ADAMTS16: variants seen among roughly 807,000 people sequenced by gnomAD.
ADAMTS16 encodes A disintegrin and metalloproteinase with thrombospondin motifs 16.
Under a neutral mutation model 145.8 loss-of-function variants are expected in ADAMTS16, and 94 were observed. That is an observed-to-expected ratio of 0.64 (90% CI 0.55 to 0.77). The LOEUF is 0.77. ADAMTS16 is among the 30% of genes least tolerant of loss of function. The pLI, the probability that ADAMTS16 is intolerant of heterozygous loss-of-function variation, is 0.00. For missense variants in ADAMTS16, 1,585 were observed against 1,591.5 expected, an observed-to-expected ratio of 1.00 and a Z score of 0.07; for synonymous variants, 659 against 604.3, an observed-to-expected ratio of 1.09 and a Z score of -1.33.
chr5:5,187,923 G>A (rs1191370901), intron 6 of ADAMTS16, 115 bp downstream of exon 6: 9 of 638,324 alleles, frequency 1.4e-5, no homozygotes, highest in African/African-American at 3.8e-5. Flanking sequence ...AGGGCAAAAT[G>A]TATTTAATAT....
intron 3 of ADAMTS16, among the ~76,000 whole-genome samples, chr5:5,169,450 A>G (rs763659040): frequency 3.3e-5 from 5 of 152,220 alleles, no homozygotes; most frequent in Middle Eastern, 3.4e-3. Flanking sequence ...TGTTAGTTGT[A>G]CTATCTGGGA....
chr5:5,213,616 C>A (rs1441504149), intron 10 of ADAMTS16, among the ~76,000 whole-genome samples: 1 of 152,076 alleles, frequency 6.6e-6, no homozygotes, highest in Non-Finnish European at 1.5e-5. Context: ...TTCATTAGGG[C>A]TCATCGCTTT....
intron 2 of ADAMTS16, among the ~76,000 whole-genome samples, chr5:5,142,604 T>C (rs1339441090): frequency 1.3e-5 from 2 of 152,214 alleles, no homozygotes; most frequent in Non-Finnish European, 2.9e-5. Flanking sequence ...TGGTGACTGC[T>C]GGGGTCAACT....
chr5:5,296,195 GCACT>G (rs2126498449), intron 18 of ADAMTS16, among the ~76,000 whole-genome samples: 1 of 152,300 alleles, frequency 6.6e-6, no homozygotes, highest in African/African-American at 2.4e-5. Context: ...CCATGACTTT[GCACT>G]CACAGAGGCT....
intron 3 of ADAMTS16, among the ~76,000 whole-genome samples, chr5:5,176,380 A>G (rs1043490649): frequency 2.5e-4 from 38 of 152,238 alleles, no homozygotes; most frequent in Non-Finnish European, 4.7e-4. Flanking sequence ...GGATGGAGGA[A>G]GTCACAAATA....
rs796471798 is a variant in ADAMTS16 at position 5,162,773 on chromosome 5, AGGAGAG to A, written c.501+16320_501+16325del. Among the ~76,000 whole-genome samples the A allele has an allele frequency of 5.9e-5, 9 of 151,974 alleles. 1 individual carries two copies. Among genetic ancestry groups the A allele is most frequent in the African/African-American group, 2.2e-4 (9 of 41,438 alleles). On this transcript the variant is annotated intron_variant, in intron 3 of 22. Transcript: ENST00000274181. ...AAGAGAAGAGAAGAGAGGAGAGGAGAGGAGAGGAGAGGAGAGGAAGAGAGAATATGG... is the reference window on the plus strand; with the variant it reads ...AAGAGAAGAGAAGAGAGGAGAGGAGAGAGAGGAGAGGAAGAGAGAATATGG...
intron 5 of ADAMTS16, 53 bp downstream of exon 5, chr5:5,186,304 GTGT>G (rs1560939670): frequency 0.011 from 12,059 of 1,060,990 alleles, 344 homozygotes; most frequent in Middle Eastern, 0.028. Flanking sequence ...TTCGTAGGGT[GTGT>G]GTGTGTGTGT....
At position 5,288,446 on chromosome 5, in the gene ADAMTS16, A is replaced by C. The variant is rs190556695; in HGVS notation, c.2790-14822A>C. On this transcript the variant is annotated intron_variant, in intron 18 of 22. Coordinates refer to ENST00000274181, the MANE Select transcript of ADAMTS16 (RefSeq NM_139056.4). ...GATGTTATAGATAATCTGTATGTGCATAATGACTAAGGGAAACCTGTTTGG... is the reference window on the plus strand; with the variant it reads ...GATGTTATAGATAATCTGTATGTGCCTAATGACTAAGGGAAACCTGTTTGG... Among the ~76,000 whole-genome samples the C allele has an allele frequency of 2.4e-3, 363 of 152,360 alleles. 4 individuals are homozygous for C. The highest frequency in any genetic ancestry group is 8.3e-3 in the African/African-American group (347 of 41,598).
At chr5:5,265,082 T>G (rs1027886237) in intron 18 of ADAMTS16, among the ~76,000 whole-genome samples, 1 of 152,174 alleles carries the variant, frequency 6.6e-6, no homozygotes, top group Admixed American at 6.5e-5. Flanking sequence ...CACACCCTCA[T>G]CGTTTAGGAA....
intron 21 of ADAMTS16, among the ~76,000 whole-genome samples, chr5:5,313,125 G>A (rs1438192615): frequency 6.6e-6 from 1 of 152,222 alleles, no homozygotes; most frequent in Non-Finnish European, 1.5e-5. Context: ...TTTACCACAA[G>A]CTGGCTGAAG....
At chr5:5,292,094 AC>A (rs1400750361) in intron 18 of ADAMTS16, among the ~76,000 whole-genome samples, 1 of 152,204 alleles carries the variant, frequency 6.6e-6, no homozygotes, top group African/African-American at 2.4e-5. Context: ...TAGTCAAGCC[AC>A]CAGCCTCTCA....
intron 3 of ADAMTS16, among the ~76,000 whole-genome samples, chr5:5,178,182 G>A (rs1448337939): frequency 3.3e-5 from 5 of 152,124 alleles, no homozygotes; most frequent in South Asian, 2.1e-4. Flanking sequence ...ACACATATTC[G>A]TTCGTTTCTT....
intron 3 of ADAMTS16, among the ~76,000 whole-genome samples, chr5:5,181,835 G>A (rs181962002): frequency 2.0e-5 from 3 of 152,268 alleles, no homozygotes; most frequent in African/African-American, 7.2e-5. Flanking sequence ...CTCCAGGTAT[G>A]CAGAGCCAGA....
intron 20 of ADAMTS16, among the ~76,000 whole-genome samples, chr5:5,304,586 G>A (rs1451504791): frequency 2.0e-5 from 3 of 152,050 alleles, no homozygotes; most frequent in African/African-American, 4.8e-5. Flanking sequence ...GGAGGGACCC[G>A]GATCTCATCA....
At chr5:5,234,503 A>C (rs2913626) in intron 12 of ADAMTS16, among the ~76,000 whole-genome samples, 2 of 152,012 alleles carry the variant, frequency 1.3e-5, no homozygotes, top group Admixed American at 6.5e-5. Context: ...CTGCTCTTGT[A>C]AAGGATTCAC....
At chr5:5,276,733 G>A (rs1738715966) in intron 18 of ADAMTS16, among the ~76,000 whole-genome samples, 2 of 152,142 alleles carry the variant, frequency 1.3e-5, no homozygotes, top group South Asian at 2.1e-4. Context: ...TTGGAGTGGG[G>A]TCAGCCAGGA....
chr5:5,186,881 C>A (rs1387405285), intron 5 of ADAMTS16, among the ~76,000 whole-genome samples: 1 of 152,116 alleles, frequency 6.6e-6, no homozygotes, highest in African/African-American at 2.4e-5. Flanking sequence ...GTTTTAATGA[C>A]AATATTTTAA....
rs1560988331 is a variant in ADAMTS16 at position 5,286,873 on chromosome 5, A to AC, written c.2790-16395_2790-16394insC. 1.3e-5 allele frequency among the ~76,000 whole-genome samples: 2 copies of AC among 150,680 alleles called. 1 individual carries two copies. The highest frequency in any genetic ancestry group is 3.0e-5 in the Non-Finnish European group (2 of 67,712). ...ACTCCGTCTCAAAAAAAAAAAAAAAAAAAAAAAAAAGAGTTTTTATAACCC... is the reference window on the plus strand; with the variant it reads ...ACTCCGTCTCAAAAAAAAAAAAAAAACAAAAAAAAAAGAGTTTTTATAACCC... On this transcript the variant is annotated intron_variant, in intron 18 of 22. Coordinates refer to ENST00000274181, the MANE Select transcript of ADAMTS16 (RefSeq NM_139056.4).
intron 7 of ADAMTS16, among the ~76,000 whole-genome samples, chr5:5,191,162 T>G (rs996674280): frequency 4.6e-5 from 7 of 152,176 alleles, no homozygotes; most frequent in Admixed American, 4.6e-4. Context: ...GCCCATGTGT[T>G]TTCCCTTTGC....
Sources: gnomAD v4.1 joint callset for allele counts (sites outside exome capture counted in the v4.1 genomes callset) on GRCh38, gnomAD v4.1.1 for gene constraint, MANE v1.5 for transcripts, NCBI Gene and HGNC (gene_info 2026-07-23, HGNC 2026-07-21) for gene names.